The following FGF13 variants were observed in gnomAD, a reference collection of about 807,000 sequenced individuals.
FGF13 encodes the protein fibroblast growth factor 13, also known as fibroblast growth factor homologous factor 2.
Under a neutral mutation model 19.5 loss-of-function variants are expected in FGF13, and 2 were observed. That is an observed-to-expected ratio of 0.10 (90% CI 0.04 to 0.32). The LOEUF (loss-of-function observed/expected upper bound fraction) is 0.32, where lower values mean the gene tolerates loss of function less well. FGF13 is among the 10% of genes least tolerant of loss of function. The pLI is 1.00. For synonymous variants in FGF13, 72 were observed against 76.9 expected (o/e 0.94, Z 0.33); for missense variants, 113 against 192.7 (o/e 0.59, Z 2.45).
At chrX:138,786,380 C>G (rs959161747) in intron 3 of FGF13, among the ~76,000 whole-genome samples, 2 of 111,522 alleles carry the variant, frequency 1.8e-5, no homozygotes, top group Non-Finnish European at 3.8e-5. Context: ...TGTATCTGCA[C>G]CTGAAGAGGA....
intron 1 of FGF13, among the ~76,000 whole-genome samples, chrX:139,116,970 G>C (rs1019956452): frequency 9.0e-6 from 1 of 111,455 alleles, no homozygotes; most frequent in Non-Finnish European, 1.9e-5. Flanking sequence ...GTCACAGTAT[G>C]ACATGAGGAA....
intron 1 of FGF13, among the ~76,000 whole-genome samples, chrX:139,060,445 T>G (rs902587963): frequency 3.6e-5 from 4 of 111,705 alleles, no homozygotes; most frequent in Non-Finnish European, 7.5e-5. Context: ...TCTTATGCTC[T>G]TGAAAGCAGC....
chrX:138,742,412 C>A (rs1420649273), upstream of FGF13, among the ~76,000 whole-genome samples: 2 of 111,302 alleles, frequency 1.8e-5, no homozygotes, highest in Non-Finnish European at 3.8e-5. Context: ...TGGTTTTAAT[C>A]CAGATAGTGT....
intron 1 of FGF13, among the ~76,000 whole-genome samples, chrX:139,135,940 C>T (rs762596420): frequency 1.8e-5 from 2 of 111,732 alleles, no homozygotes; most frequent in African/African-American, 3.3e-5. Context: ...AAAAAGAAAG[C>T]GGTGAGTTAA....
intron 1 of FGF13, among the ~76,000 whole-genome samples, 170 bp downstream of exon 1, chrX:138,710,647 T>C (rs770266544): frequency 4.7e-4 from 53 of 112,612 alleles, no homozygotes; most frequent in Admixed American, 4.5e-3. Context: ...AGCGTGTTAC[T>C]GTTACGGAGG....
chrX:138,632,774 T>G lies in FGF13; in HGVS notation c.*76A>C. 1.8e-6 allele frequency: 2 copies of G among 1,107,090 alleles called. No individual in the cohort carries two copies. Among genetic ancestry groups the G allele is most frequent in the Non-Finnish European group, 2.4e-6 (2 of 825,706 alleles). 91.2% of individuals were successfully genotyped at this position (1,107,090 alleles called of 1,213,427 possible). On this transcript the variant is annotated 3_prime_UTR_variant, in exon 5 of 5. Transcript: ENST00000315930. ...TCACTGACAAATTTGAACTTTTGGG[T>G]GAAGGACTGCTAGAAGAATTCAACA...
rs751317605 is a variant in FGF13 at position 139,043,589 on chromosome X, T to C, written c.-113+159827A>G. Among the ~76,000 whole-genome samples the C allele has an allele frequency of 1.7e-4, 19 of 111,114 alleles. No homozygotes were observed. In the South Asian group the frequency reaches 6.9e-3, roughly 41 times the overall value. ...CAACAAGTTAAACATAGAATTACCA[T>C]ATGACCCAGAGATTCCACTGCTAGG... On this transcript the variant is annotated intron_variant, in intron 1 of 2. Transcript: ENST00000421460.
chrX:139,141,047 TGATAGATAGATAGATAGATA>T (rs71855826), intron 1 of FGF13, among the ~76,000 whole-genome samples: 2 of 89,091 alleles, frequency 2.2e-5, no homozygotes, highest in African/African-American at 4.4e-5. Flanking sequence ...ACTAGATAGA[TGATAGATAGATAGATAGATA>T]GATAGATAGA....
intron 3 of FGF13, among the ~76,000 whole-genome samples, chrX:138,671,785 CTTGAT>C (rs1251061971): frequency 9.0e-6 from 1 of 110,551 alleles, no homozygotes; most frequent in Non-Finnish European, 1.9e-5. Context: ...TTTAACATGA[CTTGAT>C]TTATTTAAAT....
intron 3 of FGF13, among the ~76,000 whole-genome samples, chrX:138,687,129 A>T (rs1275339894): frequency 2.7e-5 from 3 of 111,778 alleles, no homozygotes; most frequent in Non-Finnish European, 5.6e-5. Context: ...AGCACAGAAA[A>T]CAAAATTTAA....
intron 1 of FGF13, among the ~76,000 whole-genome samples, chrX:139,120,834 G>A (rs751982803): frequency 4.4e-5 from 5 of 112,803 alleles, no homozygotes; most frequent in South Asian, 3.6e-4. Context: ...CTCCTTAGCC[G>A]CAGACTGAAG....
At chrX:138,727,760 T>C (rs1056965042) in intron 1 of FGF13, among the ~76,000 whole-genome samples, 1 of 111,525 alleles carries the variant, frequency 9.0e-6, no homozygotes, top group Admixed American at 9.5e-5. Context: ...ATATAGCCCA[T>C]AAACAATGCT....
intron 3 of FGF13, among the ~76,000 whole-genome samples, chrX:138,830,115 G>A (rs1569406119): frequency 8.9e-6 from 1 of 112,453 alleles, no homozygotes; most frequent in Non-Finnish European, 1.9e-5. Flanking sequence ...AGACGGGAAT[G>A]TTGTTATAAC....
chrX:138,822,929 G>T (rs1000581430), intron 3 of FGF13, among the ~76,000 whole-genome samples: 2 of 111,934 alleles, frequency 1.8e-5, no homozygotes, highest in African/African-American at 6.5e-5. Context: ...TGAACATACA[G>T]TGTGGTACAG....
At chrX:139,197,227 G>A (rs1190497614) in intron 1 of FGF13, among the ~76,000 whole-genome samples, 1 of 112,333 alleles carries the variant, frequency 8.9e-6, no homozygotes, top group African/African-American at 3.2e-5. Flanking sequence ...CACTAGTGGT[G>A]TGACTTCATA....
At chrX:138,989,124 G>A (rs2092004817) in intron 1 of FGF13, among the ~76,000 whole-genome samples, 1 of 111,408 alleles carries the variant, frequency 9.0e-6, no homozygotes, top group South Asian at 3.8e-4. Context: ...CTGCAACCAG[G>A]AACAATGAAA....
At chrX:138,683,946 C>T (rs937650962) in intron 3 of FGF13, among the ~76,000 whole-genome samples, 7 of 111,220 alleles carry the variant, frequency 6.3e-5, no homozygotes, top group African/African-American at 2.3e-4. Context: ...TAAAAGAATG[C>T]TGTCATGAAA....
chrX:138,931,439 C>A (rs2091701061), intron 1 of FGF13, among the ~76,000 whole-genome samples: 1 of 111,740 alleles, frequency 8.9e-6, no homozygotes, highest in South Asian at 3.8e-4. Context: ...TGTGAAACTC[C>A]AACCCACCAG....
chrX:138,711,706 G>A lies in FGF13; in HGVS notation c.-703C>T. On this transcript the variant is annotated 5_prime_UTR_variant, in exon 1 of 5. Coordinates refer to ENST00000315930, the MANE Select transcript of FGF13 (RefSeq NM_004114.5). Reference sequence around the variant, plus strand: ...ATTCAGCCGCCGCAGGCACCCTCCGGAACAGCGCGACAGCCTCCTTGCAGC... The same window carrying A: ...ATTCAGCCGCCGCAGGCACCCTCCGAAACAGCGCGACAGCCTCCTTGCAGC... 2.7e-6 allele frequency: 2 copies of A among 752,898 alleles called. No homozygotes were observed. Among genetic ancestry groups the A allele is most frequent in the Non-Finnish European group, 3.1e-6 (2 of 637,869 alleles). 62.0% of individuals were successfully genotyped at this position (752,898 alleles called of 1,213,427 possible).
Sources: allele counts gnomAD v4.1 joint callset (sites outside exome capture counted in the v4.1 genomes callset), GRCh38; gene constraint gnomAD v4.1.1; transcripts MANE v1.5; gene names NCBI Gene and HGNC (gene_info 2026-07-23, HGNC 2026-07-21).